Variants in GRIK4 observed in about 807,000 individuals in gnomAD.
GRIK4 encodes the protein glutamate receptor ionotropic, kainate 4.
A neutral mutation model predicts 104.9 loss-of-function variants in GRIK4; 40 were observed. The observed-to-expected ratio is 0.38, with a 90% CI of 0.30 to 0.50. The LOEUF (loss-of-function observed/expected upper bound fraction) is 0.50. Among genes scored for constraint, GRIK4 ranks in the 20% least tolerant of loss-of-function variants. GRIK4 has a pLI of 0.93. For missense variants in GRIK4, 1,047 were observed against 1,308.1 expected (o/e 0.80, Z 3.08); for synonymous variants, 485 against 524.9 (o/e 0.92, Z 1.04).
Position 120,645,746 on chromosome 11 carries a change from C to A in GRIK4, c.-158-7939C>A, listed in dbSNP as rs1257694030. On this transcript the variant is annotated intron_variant, in intron 1 of 20. Transcript: ENST00000527524. Reference sequence around the variant, plus strand: ...TCTGTGGTTCCTGAGAGTTCCCTATCTGGCGCCCGCCTTCACGTTCCCTTG... The same window carrying A: ...TCTGTGGTTCCTGAGAGTTCCCTATATGGCGCCCGCCTTCACGTTCCCTTG... Among the ~76,000 whole-genome samples, 6 of 152,358 alleles carry A rather than the reference C, an allele frequency of 3.9e-5. No individual in the cohort carries two copies. In the East Asian group the frequency reaches 7.7e-4, roughly 20 times the overall value.
At chr11:120,571,458 G>A (rs753983107) in intron 1 of GRIK4, among the ~76,000 whole-genome samples, 13 of 152,122 alleles carry the variant, frequency 8.5e-5, no homozygotes, top group Non-Finnish European at 1.8e-4. Flanking sequence ...TCATCTTGCT[G>A]GAAGATTTTG....
intron 3 of GRIK4, among the ~76,000 whole-genome samples, chr11:120,741,531 G>T (rs1951334689): frequency 6.6e-6 from 1 of 152,114 alleles, no homozygotes. Context: ...GCCCGCCTCA[G>T]CCTCCCAAAG....
chr11:120,814,466 G>A (rs938833784), intron 4 of GRIK4, among the ~76,000 whole-genome samples: 1 of 152,266 alleles, frequency 6.6e-6, no homozygotes, highest in South Asian at 2.1e-4. Context: ...CAGGCGTGGT[G>A]GTGGGTGCCT....
intron 3 of GRIK4, among the ~76,000 whole-genome samples, chr11:120,801,662 G>A (rs1298321438): frequency 1.3e-5 from 2 of 152,114 alleles, no homozygotes; most frequent in Non-Finnish European, 2.9e-5. Context: ...GGACATTTGG[G>A]TTTCTTTTTG....
intron 3 of GRIK4, among the ~76,000 whole-genome samples, chr11:120,763,658 G>T (rs1951786938): frequency 6.6e-6 from 1 of 152,124 alleles, no homozygotes; most frequent in Admixed American, 6.5e-5. Flanking sequence ...TGTTCTCATT[G>T]GTTTCAAAGA....
chr11:120,592,717 C>T (rs1948749807), intron 1 of GRIK4, among the ~76,000 whole-genome samples: 1 of 152,080 alleles, frequency 6.6e-6, no homozygotes, highest in Non-Finnish European at 1.5e-5. Context: ...ACTGGAGCCC[C>T]TTTACACCCT....
intron 1 of GRIK4, among the ~76,000 whole-genome samples, chr11:120,612,644 CCTGAAAGCCA>C (rs1336744460): frequency 2.0e-5 from 3 of 152,324 alleles, no homozygotes; most frequent in East Asian, 3.9e-4. Flanking sequence ...CTGATCATTT[CCTGAAAGCCA>C]CTGATGACTT....
chr11:120,780,902 T>C (rs3133858), intron 3 of GRIK4, among the ~76,000 whole-genome samples: 43,974 of 151,830 alleles, frequency 0.29, 8,259 homozygotes, highest in African/African-American at 0.54. Flanking sequence ...CCACCACGCC[T>C]GGCTAATTTT....
chr11:120,880,266 C>T (rs1443533821), intron 11 of GRIK4, among the ~76,000 whole-genome samples: 1 of 152,176 alleles, frequency 6.6e-6, no homozygotes, highest in East Asian at 1.9e-4. Flanking sequence ...ACATAGAAAG[C>T]CGGCTCTACT....
chr11:120,557,193 C>A (rs555016012), intron 1 of GRIK4, among the ~76,000 whole-genome samples: 1 of 152,150 alleles, frequency 6.6e-6, no homozygotes, highest in Non-Finnish European at 1.5e-5. Flanking sequence ...ACTGGAGGAC[C>A]GGATAGAATT....
chr11:120,853,236 G>A (rs1014943906), intron 8 of GRIK4, among the ~76,000 whole-genome samples: 5 of 152,234 alleles, frequency 3.3e-5, no homozygotes, highest in African/African-American at 1.2e-4. Flanking sequence ...AGGTAGGCAG[G>A]AATCATAGCA....
At chr11:120,979,218 A>C (rs747057032) in intron 19 of GRIK4, among the ~76,000 whole-genome samples, 22 of 152,234 alleles carry the variant, frequency 1.4e-4, no homozygotes, top group Non-Finnish European at 2.9e-4. Flanking sequence ...TATCTCCAAA[A>C]TGTAACATTG....
chr11:120,680,663 CTCACT>C (rs1244961502), intron 3 of GRIK4, among the ~76,000 whole-genome samples: 1 of 152,196 alleles, frequency 6.6e-6, no homozygotes, highest in Non-Finnish European at 1.5e-5. Context: ...GGGCCACATA[CTCACT>C]GGCTTGAAAA....
chr11:120,846,698 C>T (rs192104315), intron 8 of GRIK4, among the ~76,000 whole-genome samples: 21 of 152,240 alleles, frequency 1.4e-4, no homozygotes, highest in African/African-American at 4.8e-4. Context: ...TTTGGCTGTC[C>T]CACTGACTGT....
Position 120,785,376 on chromosome 11 carries a change from C to T in GRIK4, c.83-17317C>T, listed in dbSNP as rs927771568. Among the ~76,000 whole-genome samples the T allele has an allele frequency of 8.5e-5, 13 of 152,292 alleles. No homozygotes were observed. The East Asian group carries it at 1.9e-3, about 23-fold the overall frequency. ...AAAGAAAACCTACAGGGAGGTGAGC[C>T]GGTCCACAGAGAGCAAGGAACTGTT... On this transcript the variant is annotated intron_variant, in intron 3 of 20. Coordinates refer to ENST00000527524, the MANE Select transcript of GRIK4 (RefSeq NM_014619.5).
intron 1 of GRIK4, among the ~76,000 whole-genome samples, chr11:120,585,985 C>T (rs115842686): frequency 1.3e-3 from 196 of 146,980 alleles, no homozygotes; most frequent in African/African-American, 5.2e-3. Context: ...TTTAGAGATG[C>T]CCATGGGGCA....
intron 9 of GRIK4, among the ~76,000 whole-genome samples, chr11:120,867,049 A>C (rs967879949): frequency 2.0e-5 from 3 of 151,904 alleles, no homozygotes; most frequent in African/African-American, 7.3e-5. Flanking sequence ...TGAGGTCAGC[A>C]CTCCAATATA....
At chr11:120,732,191 G>T (rs1197804434) in intron 3 of GRIK4, among the ~76,000 whole-genome samples, 1 of 152,110 alleles carries the variant, frequency 6.6e-6, no homozygotes, top group Non-Finnish European at 1.5e-5. Flanking sequence ...CAGTGCAGTG[G>T]TGCATTCTTG....
chr11:120,517,658 G>A (rs2252252), intron 1 of GRIK4, among the ~76,000 whole-genome samples: 89,259 of 148,306 alleles, frequency 0.6, 30,913 homozygotes, highest in African/African-American at 0.84. Context: ...ATAGAAGGCC[G>A]GGCTAGGATT....
Sources: gnomAD v4.1 joint callset for allele counts (sites outside exome capture counted in the v4.1 genomes callset) on GRCh38, gnomAD v4.1.1 for gene constraint, MANE v1.5 for transcripts, NCBI Gene and HGNC (gene_info 2026-07-23, HGNC 2026-07-21) for gene names.